The following MYOM2 variants were observed in gnomAD, a reference collection of about 807,000 sequenced individuals.
MYOM2 encodes the protein myomesin 2.
In MYOM2, 254 loss-of-function variants were observed where a neutral mutation model predicts 187.6. The ratio of observed to expected loss-of-function variants is 1.35; its 90% CI spans 1.22 to 1.50. The LOEUF (loss-of-function observed/expected upper bound fraction) is 1.50, where lower values mean the gene tolerates loss of function less well. Ranked by LOEUF, MYOM2 falls within the 40% of genes most tolerant of loss-of-function variation. The pLI, the probability that MYOM2 is intolerant of heterozygous loss-of-function variation, is 0.00. For synonymous variants in MYOM2, 981 were observed against 753.8 expected (o/e 1.30, Z -4.94); for missense variants, 2,796 against 1,924.0 (o/e 1.45, Z -8.48).
intron 25 of MYOM2, among the ~76,000 whole-genome samples, chr8:2,110,903 C>T (rs934300308): frequency 3.9e-5 from 6 of 152,174 alleles, no homozygotes; most frequent in African/African-American, 1.4e-4. Context: ...AGAATCATGA[C>T]ACACTTTAAG....
At chr8:2,047,389 G>T (rs1818343974) in intron 1 of MYOM2, among the ~76,000 whole-genome samples, 1 of 152,132 alleles carries the variant, frequency 6.6e-6, no homozygotes, top group Non-Finnish European at 1.5e-5. Flanking sequence ...GGTGGGTGAG[G>T]CTGGACGTGC....
chr8:2,109,201 G>T lies in MYOM2; in HGVS notation c.3044-194G>T, dbSNP rs115320804. The T allele has an allele frequency of 8.3e-6, 5 of 603,204 alleles. No homozygotes were observed. The African/African-American group carries it at 9.6e-5, about 12-fold the overall frequency. The allele number at this position is 603,204 out of a possible 1,614,324, so 37.4% of individuals were successfully genotyped here. ...GCAAAGCTAACTGAGAACTCATGTG[G>T]CATGAGGCTTTAGAGGCAACAACAG... is the stretch of plus-strand genomic sequence containing the variant. On this transcript the variant is annotated intron_variant, in intron 24 of 36. Transcript: ENST00000262113.
At chr8:2,045,474 G>A (rs1051836466) in intron 1 of MYOM2, among the ~76,000 whole-genome samples, 1 of 152,210 alleles carries the variant, frequency 6.6e-6, no homozygotes, top group Non-Finnish European at 1.5e-5. Flanking sequence ...GGCCCCAGGG[G>A]GCCCCCCAGT....
rs774305223 is a variant in MYOM2, at chr8:2,096,290, C to T, written c.2169C>T (p.Asp723=). ...HPYGITLLNC[D]GHSMTLGWKV... ...ATGGGATTACGCTCCTCAACTGTGA[C>T]GGCCACTCCATGACCCTCGGCTGGA... The change falls in exon 18 of 37, where the codon GAC becomes GAT. Residue 723 remains aspartate (D), a synonymous_variant. Transcript: ENST00000262113. The T allele has an allele frequency of 3.3e-5, 53 of 1,614,164 alleles. No homozygotes were observed. The highest frequency in any genetic ancestry group is 1.7e-4 in the Middle Eastern group (1 of 6,060).
chr8:2,090,006 A>T lies in MYOM2; in HGVS notation c.1645-2A>T, dbSNP rs768447052. 2.5e-6 allele frequency: 4 copies of T among 1,613,046 alleles called. No homozygotes were observed. Among genetic ancestry groups the T allele is most frequent in the Non-Finnish European group, 3.4e-6 (4 of 1,179,534 alleles). On this transcript the variant is annotated splice_acceptor_variant, in intron 14 of 36. Transcript: ENST00000262113. LOFTEE classifies it high-confidence loss of function. ...CAGTCTCGTTTCTGTTTCTCTTTGT[A>T]GTCCGTGGTGGGGAGCGGCAGCTGG... is the stretch of plus-strand genomic sequence containing the variant.
At chr8:2,122,880 GA>G (rs1309771687) in intron 28 of MYOM2, among the ~76,000 whole-genome samples, 3 of 152,196 alleles carry the variant, frequency 2.0e-5, no homozygotes, top group Non-Finnish European at 4.4e-5. Context: ...CAGCTTTACA[GA>G]CCCCTCAGAA....
At chr8:2,107,251 T>C (rs1004026743) in intron 23 of MYOM2, among the ~76,000 whole-genome samples, 12 of 152,096 alleles carry the variant, frequency 7.9e-5, no homozygotes, top group African/African-American at 2.9e-4. Context: ...GCGTCAGCCT[T>C]AGACATTTTT....
chr8:2,116,886 T>C (rs1360689696), intron 27 of MYOM2, among the ~76,000 whole-genome samples: 1 of 152,088 alleles, frequency 6.6e-6, no homozygotes, highest in African/African-American at 2.4e-5. Context: ...GCCTCCCGAA[T>C]AGCTGGGACT....
At chr8:2,102,410 T>C in intron 20 of MYOM2, 1 of 394,150 alleles carries the variant, frequency 2.5e-6, no homozygotes, top group Non-Finnish European at 4.6e-6. Flanking sequence ...ATTTTACTTC[T>C]GCTTTAAAAT....
chr8:2,100,095 T>TCCTTCCTTCTTTCTTC (rs1796641309), intron 19 of MYOM2, among the ~76,000 whole-genome samples: 1 of 115,340 alleles, frequency 8.7e-6, no homozygotes, highest in African/African-American at 3.1e-5. Flanking sequence ...TTTCCTTCCT[T>TCCTTCCTTCTTTCTTC]CCTTCCTTCC....
rs758822676 is a variant in MYOM2 at position 2,073,482 on chromosome 8, G to A, written c.1102G>A (p.Ala368Thr). 13 of 1,605,664 alleles carry A rather than the reference G, an allele frequency of 8.1e-6. No individual in the cohort carries two copies. The highest frequency in any genetic ancestry group is 1.7e-4 in the Middle Eastern group (1 of 5,992). The part of the protein sequence containing the change: ...VSRGGVSDHS[A>T]FLFVRDADPL... ...TCGGGGCGGCGTCAGCGACCACAGC[G>A]CCTTCCTGTTTGTCAGAGGTGCGGG... is the stretch of plus-strand genomic sequence containing the variant. Residue 368 changes from alanine to threonine, a missense_variant, in exon 10 of 37, where the codon GCC (alanine) becomes ACC (threonine). Coordinates refer to ENST00000262113, the MANE Select transcript of MYOM2 (RefSeq NM_003970.4).
chr8:2,050,035 G>C (rs1417505950), intron 1 of MYOM2, among the ~76,000 whole-genome samples: 1 of 152,074 alleles, frequency 6.6e-6, no homozygotes, highest in African/African-American at 2.4e-5. Context: ...ATTCCAGGGG[G>C]CATCTCCAGC....
intron 32 of MYOM2, among the ~76,000 whole-genome samples, chr8:2,139,235 G>A (rs74328598): frequency 6.6e-6 from 1 of 151,994 alleles, no homozygotes; most frequent in Non-Finnish European, 1.5e-5. Context: ...TGACCTCCTC[G>A]GGCTCAGGCA....
At chr8:2,133,970 C>CCCCTGAGGTTAACGCCTTG (rs1797965814) in intron 32 of MYOM2, among the ~76,000 whole-genome samples, 4 of 143,310 alleles carry the variant, frequency 2.8e-5, no homozygotes, top group South Asian at 2.3e-4. Context: ...TTAACGTCTT[C>CCCCTGAGGTTAACGCCTTG]TGTAGCCACC....
chr8:2,142,254 C>G, intron 34 of MYOM2, 121 bp from the exon 35 acceptor site: 2 of 997,914 alleles, frequency 2.0e-6, no homozygotes, highest in Non-Finnish European at 3.2e-6. Flanking sequence ...TAAGAGAATG[C>G]AAACGTATCT....
intron 5 of MYOM2, among the ~76,000 whole-genome samples, chr8:2,058,949 A>G (rs1818761730): frequency 1.3e-5 from 2 of 152,222 alleles, no homozygotes; most frequent in African/African-American, 4.8e-5. Flanking sequence ...TGAGAGTCTG[A>G]ACGAGGAAAG....
chr8:2,138,222 G>T (rs774341288), intron 32 of MYOM2, among the ~76,000 whole-genome samples: 2 of 152,212 alleles, frequency 1.3e-5, no homozygotes, highest in African/African-American at 2.4e-5. Context: ...GTAAGCGCCA[G>T]CCTGCAGCTT....
At chr8:2,085,518 C>CCCTACTGTCGTGATCTCCACGTGG (rs1819813484) in intron 14 of MYOM2, 128 bp downstream of exon 14, 5 of 620,180 alleles carry the variant, frequency 8.1e-6, no homozygotes, top group Non-Finnish European at 9.3e-6. Flanking sequence ...CCGCGTGGCC[C>CCCTACTGTCGTGATCTCCACGTGG]CCCACTGTTG....
intron 1 of MYOM2, among the ~76,000 whole-genome samples, 198 bp from the exon 2 acceptor site, chr8:2,050,557 G>C (rs1415987050): frequency 6.6e-6 from 1 of 152,226 alleles, no homozygotes; most frequent in Non-Finnish European, 1.5e-5. Context: ...AAAAAATAAA[G>C]TTGGGTCCCT....
Sources: allele counts gnomAD v4.1 joint callset (sites outside exome capture counted in the v4.1 genomes callset), GRCh38; gene constraint gnomAD v4.1.1; transcripts MANE v1.5; gene names NCBI Gene and HGNC (gene_info 2026-07-23, HGNC 2026-07-21).